The following SORCS1 variants were observed in gnomAD, a reference collection of about 807,000 sequenced individuals.
SORCS1 encodes sortilin related VPS10 domain containing receptor 1, also known as VPS10 domain-containing receptor SorCS1.
In SORCS1, 60 loss-of-function variants were observed where a neutral mutation model predicts 146.1. The ratio of observed to expected loss-of-function variants is 0.41; its 90% confidence interval spans 0.33 to 0.51. The LOEUF (loss-of-function observed/expected upper bound fraction) is 0.51. Ranked by LOEUF, SORCS1 falls within the 20% of genes least tolerant of loss-of-function variation. The pLI is 0.21. For missense variants in SORCS1, 1,352 were observed against 1,487.6 expected, an observed-to-expected ratio of 0.91 and a Z score of 1.50; for synonymous variants, 637 against 584.0, an observed-to-expected ratio of 1.09 and a Z score of -1.31.
At chr10:106,868,402 C>T (rs577916294) in intron 2 of SORCS1, among the ~76,000 whole-genome samples, 74 of 152,288 alleles carry the variant, frequency 4.9e-4, no homozygotes, top group Middle Eastern at 3.4e-3. Context: ...ACATTCTTCT[C>T]ATCGTCATAT....
intron 4 of SORCS1, among the ~76,000 whole-genome samples, chr10:106,763,432 C>G (rs1859303401): frequency 6.6e-6 from 1 of 152,126 alleles, no homozygotes; most frequent in Admixed American, 6.5e-5. Flanking sequence ...TATAGAGGCC[C>G]CTCAAGTGGT....
At position 106,597,415 on chromosome 10, in the gene SORCS1, G is replaced by A. The variant is rs1186558582; in HGVS notation, c.3201C>T (p.Asn1067=). The A allele has an allele frequency of 4.3e-6, 7 of 1,613,870 alleles. No homozygotes were observed. The highest frequency in any genetic ancestry group is 5.9e-6 in the Non-Finnish European group (7 of 1,179,902). The part of the protein sequence containing the change: ...SELLIHTLNQ[N]SVHFELKPGV... ...CTGGCTTCAGCTCGAAGTGTACTGA[G>A]TTTTGGTTGAGCGTGTGGATCAGCA... The change falls in exon 24 of 26, where the codon AAC becomes AAT. Residue 1067 remains asparagine, a synonymous_variant. Coordinates refer to ENST00000263054, the MANE Select transcript of SORCS1 (RefSeq NM_052918.5).
intron 24 of SORCS1, among the ~76,000 whole-genome samples, chr10:106,593,804 G>A (rs967217139): frequency 2.0e-5 from 3 of 152,152 alleles, no homozygotes. Flanking sequence ...TGGTGACTTT[G>A]TGTTACACAT....
At chr10:106,904,341 G>C (rs547606008) in intron 2 of SORCS1, among the ~76,000 whole-genome samples, 2 of 152,124 alleles carry the variant, frequency 1.3e-5, no homozygotes, top group African/African-American at 2.4e-5. Flanking sequence ...AGACACATAA[G>C]GGCCTTCTGG....
At position 106,671,104 on chromosome 10, in the gene SORCS1, G is replaced by T. The variant is rs536399637; in HGVS notation, c.2189+133C>A. The stretch of plus-strand genomic sequence containing the variant: ...ATACACATAGCTAGTAAACTATGAG[G>T]TAATTTTATAAGAATATGAAGCTGG... On this transcript the variant is annotated intron_variant, in intron 16 of 25. Coordinates refer to ENST00000263054, the MANE Select transcript of SORCS1 (RefSeq NM_052918.5). 1.7e-4 allele frequency: 200 copies of T among 1,206,792 alleles called. 3 individuals are homozygous for T. In the South Asian group the frequency reaches 2.9e-3, roughly 17 times the overall value. 74.8% of individuals were successfully genotyped at this position (1,206,792 alleles called of 1,614,324 possible). A position where few individuals can be genotyped will look rare whatever the true frequency, so the allele number is the denominator to read the frequency against.
At chr10:106,757,473 G>A (rs903390153) in intron 5 of SORCS1, among the ~76,000 whole-genome samples, 2 of 152,180 alleles carry the variant, frequency 1.3e-5, no homozygotes, top group Non-Finnish European at 2.9e-5. Flanking sequence ...TTCCAGAAGT[G>A]AGTCTAATAA....
intron 1 of SORCS1, among the ~76,000 whole-genome samples, chr10:107,004,791 T>A (rs1210574648): frequency 6.6e-6 from 1 of 152,148 alleles, no homozygotes; most frequent in East Asian, 1.9e-4. Context: ...AAACTTTTCA[T>A]CTGCACTCTA....
At chr10:106,759,493 T>G (rs933894924) in intron 5 of SORCS1, among the ~76,000 whole-genome samples, 1 of 152,192 alleles carries the variant, frequency 6.6e-6, no homozygotes, top group African/African-American at 2.4e-5. Context: ...GGAGGTAGGA[T>G]GTACATTCAA....
chr10:106,942,093 A>G (rs1175569597), intron 2 of SORCS1, among the ~76,000 whole-genome samples: 2 of 152,236 alleles, frequency 1.3e-5, no homozygotes, highest in Non-Finnish European at 2.9e-5. Flanking sequence ...TCTTAAAAGT[A>G]GCTTTTATAA....
intron 2 of SORCS1, among the ~76,000 whole-genome samples, chr10:106,875,385 C>T (rs1407713247): frequency 1.3e-5 from 2 of 152,094 alleles, no homozygotes; most frequent in Non-Finnish European, 2.9e-5. Context: ...TATGTTGGTT[C>T]CATGTCTTTG....
intron 2 of SORCS1, among the ~76,000 whole-genome samples, chr10:106,883,823 G>A (rs1047719709): frequency 6.6e-6 from 1 of 152,196 alleles, no homozygotes; most frequent in Non-Finnish European, 1.5e-5. Flanking sequence ...TGATGTTTCT[G>A]ATCTTGCACA....
chr10:106,709,260 T>A lies in SORCS1; in HGVS notation c.1106A>T (p.Asp369Val). Reference protein sequence around the residue: ...NQPFPGYIDPDSLIVQDHYVF... With the variant: ...NQPFPGYIDPVSLIVQDHYVF... The stretch of plus-strand genomic sequence containing the variant: ...ATAATGATCCTGAACAATCAAAGAG[T>A]CTGGGTCAATGTAGCCTGGAAAAGG... The change falls in exon 7 of 26, where the codon GAC becomes GTC. Residue 369 changes from aspartate (D) to valine (V), a missense_variant. Around this residue, in one of 3 missense-constraint regions of SORCS1, gnomAD observed 490 missense variants for 489.1 expected, o/e 1.00. Coordinates refer to ENST00000263054, the MANE Select transcript of SORCS1 (RefSeq NM_052918.5). 1.2e-6 allele frequency: 2 copies of A among 1,613,384 alleles called. No homozygotes were observed. Among genetic ancestry groups the A allele is most frequent in the Non-Finnish European group, 1.7e-6 (2 of 1,179,754 alleles).
intron 1 of SORCS1, among the ~76,000 whole-genome samples, chr10:107,040,453 C>G (rs1354786125): frequency 6.6e-6 from 1 of 152,132 alleles, no homozygotes; most frequent in Non-Finnish European, 1.5e-5. Context: ...GAATTCACCC[C>G]TTATGGTATT....
intron 2 of SORCS1, among the ~76,000 whole-genome samples, chr10:106,943,022 T>C (rs976444363): frequency 2.0e-5 from 3 of 152,144 alleles, no homozygotes; most frequent in African/African-American, 7.2e-5. Context: ...ATCCTGTCCC[T>C]ATTCCCTGAC....
chr10:107,119,391 T>C (rs1198916825), intron 1 of SORCS1, among the ~76,000 whole-genome samples: 6 of 152,220 alleles, frequency 3.9e-5, no homozygotes, highest in Non-Finnish European at 4.4e-5. Context: ...GGTTTGTATA[T>C]AAGGGTTGCA....
At chr10:106,898,369 G>A (rs1219141496) in intron 2 of SORCS1, among the ~76,000 whole-genome samples, 1 of 151,936 alleles carries the variant, frequency 6.6e-6, no homozygotes, top group African/African-American at 2.4e-5. Flanking sequence ...AGCCAACATC[G>A]GCAGGACTGC....
intron 5 of SORCS1, among the ~76,000 whole-genome samples, chr10:106,736,025 T>G (rs890117179): frequency 6.6e-6 from 1 of 152,140 alleles, no homozygotes; most frequent in African/African-American, 2.4e-5. Context: ...TAAAGATCAC[T>G]AAAGACAAGA....
intron 1 of SORCS1, among the ~76,000 whole-genome samples, chr10:106,978,977 G>C (rs928365012): frequency 6.6e-6 from 1 of 152,118 alleles, no homozygotes; most frequent in Non-Finnish European, 1.5e-5. Context: ...AGCCAGATTT[G>C]TCTCTCAGGC....
chr10:106,755,150 T>C (rs557267343), intron 5 of SORCS1, among the ~76,000 whole-genome samples: 1 of 152,362 alleles, frequency 6.6e-6, no homozygotes, highest in East Asian at 1.9e-4. Flanking sequence ...TGGATACCAC[T>C]GATCGTCCAC....
Sources: gnomAD v4.1 joint callset for allele counts (sites outside exome capture counted in the v4.1 genomes callset) on GRCh38, gnomAD v4.1.1 for gene constraint, gnomAD v4.1.1 regional missense constraint, MANE v1.5 for transcripts, NCBI Gene and HGNC (gene_info 2026-07-23, HGNC 2026-07-21) for gene names.